The following SPECC1 variants were observed in gnomAD, a reference collection of about 807,000 sequenced individuals.
The protein encoded by SPECC1 is sperm antigen with calponin homology and coiled-coil domains 1, also known as cytospin-B.
A neutral mutation model predicts 104.1 loss-of-function variants in SPECC1; 62 were observed. The ratio of observed to expected loss-of-function variants is 0.60; its 90% confidence interval spans 0.49 to 0.74. SPECC1 has a LOEUF of 0.74. Among genes scored for constraint, SPECC1 ranks in the 30% least tolerant of loss-of-function variants. The pLI, the probability that SPECC1 is intolerant of heterozygous loss-of-function variation, is 0.00. For synonymous variants in SPECC1, 513 were observed against 501.6 expected, an observed-to-expected ratio of 1.02 and a Z score of -0.30; for missense variants, 1,306 against 1,310.5, an observed-to-expected ratio of 1.00 and a Z score of 0.05.
chr17:20,277,964 G>A (rs1355364054), intron 12 of SPECC1, among the ~76,000 whole-genome samples: 1 of 152,112 alleles, frequency 6.6e-6, no homozygotes, highest in Non-Finnish European at 1.5e-5. Context: ...CCCCATCCTG[G>A]GTCAGGAGTT....
At chr17:20,018,882 G>A (rs1401181741) in intron 1 of SPECC1, among the ~76,000 whole-genome samples, 1 of 152,152 alleles carries the variant, frequency 6.6e-6, no homozygotes, top group Non-Finnish European at 1.5e-5. Context: ...TTTATTGGGG[G>A]CTGGTCATGC....
At chr17:20,297,657 T>A (rs2041400303) in intron 13 of SPECC1, among the ~76,000 whole-genome samples, 1 of 152,240 alleles carries the variant, frequency 6.6e-6, no homozygotes, top group Non-Finnish European at 1.5e-5. Context: ...CATTGATCAC[T>A]TTGTAAATGA....
intron 3 of SPECC1, among the ~76,000 whole-genome samples, chr17:20,183,330 G>GT (rs2035038746): frequency 6.6e-6 from 1 of 152,178 alleles, no homozygotes; most frequent in African/African-American, 2.4e-5. Flanking sequence ...TTGAAAATAT[G>GT]TTTCTCTTGA....
chr17:20,073,967 A>AG (rs2046660649), intron 1 of SPECC1, among the ~76,000 whole-genome samples: 5 of 152,332 alleles, frequency 3.3e-5, no homozygotes, highest in Admixed American at 2.6e-4. Context: ...TTATCTTGCA[A>AG]GGAAAGGATG....
At chr17:20,218,279 C>T (rs1298255393) in intron 4 of SPECC1, among the ~76,000 whole-genome samples, 1 of 152,128 alleles carries the variant, frequency 6.6e-6, no homozygotes, top group African/African-American at 2.4e-5. Context: ...TTTCACTTAA[C>T]TGCCCACCCC....
chr17:20,225,426 A>G (rs2038140457), intron 4 of SPECC1, among the ~76,000 whole-genome samples: 1 of 152,148 alleles, frequency 6.6e-6, no homozygotes, highest in Non-Finnish European at 1.5e-5. Context: ...GCTTGCCAGA[A>G]CTCAGATTCT....
At chr17:20,128,244 CTT>C (rs916901923) in intron 3 of SPECC1, among the ~76,000 whole-genome samples, 7 of 152,298 alleles carry the variant, frequency 4.6e-5, no homozygotes, top group Non-Finnish European at 8.8e-5. Flanking sequence ...ACATCAGTGA[CTT>C]TGAAATGTTG....
intron 4 of SPECC1, among the ~76,000 whole-genome samples, chr17:20,213,877 ATTT>A (rs11366612): frequency 2.0e-5 from 3 of 151,300 alleles, no homozygotes; most frequent in African/African-American, 7.3e-5. Context: ...TCTCTGAAGA[ATTT>A]TTTTTTTTAA....
In SPECC1 at chr17:20,205,642, C is replaced by G. The variant is rs764066085; in HGVS notation, c.1593C>G (p.Asn531Lys). 1.2e-6 allele frequency: 2 copies of G among 1,614,166 alleles called. No homozygotes were observed. Residue 531 changes from asparagine (N) to lysine (K), a missense_variant, in exon 4 of 15, where the codon AAC (asparagine) becomes AAG (lysine). Coordinates refer to ENST00000395527, the MANE Select transcript of SPECC1 (RefSeq NM_001243439.2). ...EFLELERHNN[N>K]MMAKTLEECR... is the part of the protein sequence containing the mutation. ...TAGAACTGGAACGGCATAATAATAA[C>G]ATGATGGCCAAAACTTTGGAAGAGT...
intron 2 of SPECC1, among the ~76,000 whole-genome samples, chr17:20,098,607 C>T (rs1198229533): frequency 6.6e-6 from 1 of 152,220 alleles, no homozygotes; most frequent in African/African-American, 2.4e-5. Context: ...GAGCTCCAGC[C>T]ACACGTTCTG....
chr17:20,227,654 C>G (rs574044657), intron 5 of SPECC1, 34 bp downstream of exon 5: 1 of 1,593,606 alleles, frequency 6.3e-7, no homozygotes, highest in African/African-American at 1.4e-5. Flanking sequence ...GTGGCTCACA[C>G]CTATAATCCC....
At chr17:20,024,763 A>G (rs917552344) in intron 1 of SPECC1, among the ~76,000 whole-genome samples, 2 of 151,856 alleles carry the variant, frequency 1.3e-5, no homozygotes, top group African/African-American at 4.8e-5. Flanking sequence ...TGGCTTGTGG[A>G]CTCTGATAAT....
chr17:20,199,820 C>T (rs949477408), intron 3 of SPECC1, among the ~76,000 whole-genome samples: 10 of 151,674 alleles, frequency 6.6e-5, no homozygotes, highest in African/African-American at 1.9e-4. Context: ...GACAGAGTCT[C>T]GCTCTGTTGC....
intron 6 of SPECC1, 41 bp downstream of exon 6, chr17:20,231,872 A>T: frequency 6.3e-7 from 1 of 1,586,718 alleles, no homozygotes. Context: ...TCTTCCTATG[A>T]ATTACCCGCT....
chr17:20,048,779 C>A (rs964597012), intron 1 of SPECC1, among the ~76,000 whole-genome samples: 2 of 151,712 alleles, frequency 1.3e-5, no homozygotes, highest in African/African-American at 4.8e-5. Context: ...GTAGTCCCAG[C>A]TACTCAGGAG....
chr17:20,164,785 T>A (rs1247001119), intron 3 of SPECC1, among the ~76,000 whole-genome samples: 2 of 152,180 alleles, frequency 1.3e-5, no homozygotes, highest in Non-Finnish European at 2.9e-5. Context: ...GAAAGAGGTG[T>A]CATAATACTC....
chr17:20,075,890 T>C (rs1470774143), intron 1 of SPECC1, among the ~76,000 whole-genome samples: 1 of 152,118 alleles, frequency 6.6e-6, no homozygotes, highest in Non-Finnish European at 1.5e-5. Flanking sequence ...GAGGCTACAG[T>C]GAGCTGTGAT....
intron 1 of SPECC1, among the ~76,000 whole-genome samples, chr17:20,070,270 C>T (rs935750639): frequency 2.6e-5 from 4 of 152,130 alleles, no homozygotes; most frequent in African/African-American, 7.2e-5. Flanking sequence ...TGCCCTTTAT[C>T]AAGTTGAGGA....
chr17:20,099,721 C>A (rs9944427), intron 2 of SPECC1, among the ~76,000 whole-genome samples: 27,205 of 78,696 alleles, frequency 0.35, 5,387 homozygotes, highest in Middle Eastern at 0.44. Context: ...AAAAAAAAAA[C>A]CCACAAAATA....
Sources: gnomAD v4.1 joint callset for allele counts (sites outside exome capture counted in the v4.1 genomes callset) on GRCh38, gnomAD v4.1.1 for gene constraint, MANE v1.5 for transcripts, NCBI Gene and HGNC (gene_info 2026-07-23, HGNC 2026-07-21) for gene names.